Variants in SLC38A4 observed in about 807,000 individuals in gnomAD.
SLC38A4 encodes solute carrier family 38 member 4, also known as sodium-coupled neutral amino acid transporter 4.
Under a neutral mutation model 63.1 loss-of-function variants are expected in SLC38A4, and 20 were observed. The observed-to-expected ratio is 0.32, with a 90% CI of 0.22 to 0.46. SLC38A4 has a LOEUF of 0.46. SLC38A4 is among the 20% of genes least tolerant of loss of function. The pLI is 1.00. For synonymous variants in SLC38A4, 230 were observed against 225.5 expected (o/e 1.02, Z -0.18); for missense variants, 526 against 663.6 (o/e 0.79, Z 2.28).
At chr12:46,823,724 A>G (rs983584777) in intron 1 of SLC38A4, among the ~76,000 whole-genome samples, 1 of 152,218 alleles carries the variant, frequency 6.6e-6, no homozygotes, top group African/African-American at 2.4e-5. Flanking sequence ...GCTTTCAGAT[A>G]GTAGTGGATA....
intron 1 of SLC38A4, among the ~76,000 whole-genome samples, chr12:46,819,220 TG>T (rs1313037489): frequency 6.6e-6 from 1 of 151,478 alleles, no homozygotes; most frequent in African/African-American, 2.4e-5. Flanking sequence ...CTCTGAGGAC[TG>T]AAAGAGACTT....
Position 46,784,497 on chromosome 12 carries a change from G to T in SLC38A4, c.493+45C>A, listed in dbSNP as rs763188137. Reference sequence around the variant, plus strand: ...ATAAGTTTTCTTATTTATTGAACACGCTATAGAAAGTTTATGGGATCCATT... The same window carrying T: ...ATAAGTTTTCTTATTTATTGAACACTCTATAGAAAGTTTATGGGATCCATT... On this transcript the variant is annotated intron_variant, in intron 7 of 16. Coordinates refer to ENST00000266579, the MANE Select transcript of SLC38A4 (RefSeq NM_018018.5). 6.1e-6 allele frequency: 9 copies of T among 1,466,332 alleles called. No homozygotes were observed. The Middle Eastern group carries it at 5.3e-4, about 86-fold the overall frequency. The allele number at this position is 1,466,332 out of a possible 1,614,324, so 90.8% of individuals were successfully genotyped here. A position where few individuals can be genotyped will look rare whatever the true frequency, so the allele number is the denominator to read the frequency against.
upstream of SLC38A4, among the ~76,000 whole-genome samples, chr12:46,829,799 C>T (rs1376873450): frequency 6.6e-6 from 1 of 152,172 alleles, no homozygotes; most frequent in Non-Finnish European, 1.5e-5. Flanking sequence ...TGATAAAGAA[C>T]AAAGAATTGT....
chr12:46,769,786 C>A (rs1333944138), intron 14 of SLC38A4, among the ~76,000 whole-genome samples: 1 of 152,068 alleles, frequency 6.6e-6, no homozygotes, highest in African/African-American at 2.4e-5. Context: ...CTATTCAGTA[C>A]AGTAACATGC....
chr12:46,813,738 C>T (rs903351122), intron 1 of SLC38A4, among the ~76,000 whole-genome samples: 20 of 151,960 alleles, frequency 1.3e-4, no homozygotes, highest in African/African-American at 4.3e-4. Flanking sequence ...GTCTTTTATC[C>T]TGTCTGACTT....
chr12:46,782,931 A>G (rs1938672909), intron 7 of SLC38A4, among the ~76,000 whole-genome samples: 1 of 144,044 alleles, frequency 6.9e-6, no homozygotes. Context: ...GTAACATACT[A>G]GATACAAACA....
At chr12:46,792,275 A>G (rs771611369) in intron 3 of SLC38A4, among the ~76,000 whole-genome samples, 1 of 152,064 alleles carries the variant, frequency 6.6e-6, no homozygotes, top group Non-Finnish European at 1.5e-5. Flanking sequence ...AATAAGGTCA[A>G]ACCAACTGGA....
chr12:46,796,158 T>G (rs1168872175), intron 2 of SLC38A4, among the ~76,000 whole-genome samples: 1 of 152,162 alleles, frequency 6.6e-6, no homozygotes, highest in African/African-American at 2.4e-5. Flanking sequence ...AAATTTCACC[T>G]TCAGCTATAT....
intron 2 of SLC38A4, among the ~76,000 whole-genome samples, 175 bp from the exon 3 acceptor site, chr12:46,793,358 T>C (rs569689491): frequency 3.2e-4 from 48 of 151,854 alleles, no homozygotes; most frequent in Admixed American, 1.2e-3. Flanking sequence ...AAGGAAGAAA[T>C]GGAAGAGAAG....
intron 7 of SLC38A4, among the ~76,000 whole-genome samples, 180 bp downstream of exon 7, chr12:46,784,362 T>C (rs1293390456): frequency 6.6e-6 from 1 of 152,150 alleles, no homozygotes; most frequent in African/African-American, 2.4e-5. Flanking sequence ...TTCTTAGATA[T>C]TGCTGTTTTT....
chr12:46,815,661 G>A (rs1299740156), intron 1 of SLC38A4, among the ~76,000 whole-genome samples: 1 of 151,840 alleles, frequency 6.6e-6, no homozygotes, highest in Non-Finnish European at 1.5e-5. Context: ...TTCATAAGCA[G>A]TAGATTATTT....
intron 3 of SLC38A4, 64 bp from the exon 4 acceptor site, chr12:46,788,682 T>C (rs2429464): frequency 0.015 from 21,189 of 1,417,594 alleles, 212 homozygotes; most frequent in Non-Finnish European, 0.018. Flanking sequence ...GAATCATATG[T>C]ATGTTTCAGG....
At chr12:46,771,278 T>C (rs190459881) in intron 14 of SLC38A4, among the ~76,000 whole-genome samples, 193 of 152,266 alleles carry the variant, frequency 1.3e-3, no homozygotes, top group Middle Eastern at 3.4e-3. Flanking sequence ...TTTTATGGTA[T>C]ATACATAGTG....
At chr12:46,805,643 T>A (rs982835239) in intron 1 of SLC38A4, among the ~76,000 whole-genome samples, 1 of 152,110 alleles carries the variant, frequency 6.6e-6, no homozygotes, top group African/African-American at 2.4e-5. Flanking sequence ...TGTGCTGTTT[T>A]GAATTTTAAT....
At chr12:46,800,995 T>C (rs1178824877) in intron 2 of SLC38A4, among the ~76,000 whole-genome samples, 1 of 152,132 alleles carries the variant, frequency 6.6e-6, no homozygotes, top group African/African-American at 2.4e-5. Context: ...TCAACAGAAT[T>C]TTCTATAGTC....
upstream of SLC38A4, among the ~76,000 whole-genome samples, chr12:46,828,066 T>C (rs1939684043): frequency 6.6e-6 from 1 of 152,118 alleles, no homozygotes; most frequent in Non-Finnish European, 1.5e-5. Context: ...CATTCTCTAC[T>C]GACTAAGAGT....
At chr12:46,768,850 G>A (rs896507357) in intron 15 of SLC38A4, among the ~76,000 whole-genome samples, 2 of 152,042 alleles carry the variant, frequency 1.3e-5, no homozygotes, top group Non-Finnish European at 2.9e-5. Context: ...CAGTTATGGG[G>A]AAATACTAAT....
chr12:46,810,410 G>T (rs918383236), intron 1 of SLC38A4, among the ~76,000 whole-genome samples: 1 of 151,716 alleles, frequency 6.6e-6, no homozygotes, highest in African/African-American at 2.4e-5. Context: ...CTAGGGGAGG[G>T]ATAATTACAT....
Position 46,776,989 on chromosome 12 carries a change from T to G in SLC38A4, c.1089A>C (p.Lys363Asn). The G allele has an allele frequency of 1.2e-6, 2 of 1,611,710 alleles. No individual in the cohort carries two copies. The highest frequency in any genetic ancestry group is 1.7e-6 in the Non-Finnish European group (2 of 1,178,532). ...YSELKDRSRR[K>N]MQTVSNISIT... ...TGGAAATATTTGACACCGTTTGCAT[T>G]TTTCTCCGGGACCGACTGGAAAAAG... Residue 363 changes from lysine to asparagine, a missense_variant, in exon 13 of 17, where the codon AAA becomes AAC. Lys to Asn is a moderately conservative substitution (Grantham distance 94, BLOSUM62 0). Transcript: ENST00000266579.
Sources: allele counts gnomAD v4.1 joint callset (sites outside exome capture counted in the v4.1 genomes callset), GRCh38; gene constraint gnomAD v4.1.1; transcripts MANE v1.5; gene names NCBI Gene and HGNC (gene_info 2026-07-23, HGNC 2026-07-21).